Variants in CCR5AS observed in about 807,000 individuals in gnomAD.
CCR5AS encodes CCR5 antisense RNA.
At chr3:46,405,519 T>G (rs760574749) in intron 1 of CCR5AS, among the ~76,000 whole-genome samples, 1 of 152,132 alleles carries the variant, frequency 6.6e-6, no homozygotes, top group Non-Finnish European at 1.5e-5. Flanking sequence ...CACCTACTCA[T>G]TCAAGATCCT....
intron 2 of CCR5AS, chr3:46,372,635 G>T: frequency 3.1e-6 from 1 of 322,800 alleles, no homozygotes; most frequent in African/African-American, 2.1e-5. Flanking sequence ...TAGAGCACAA[G>T]ATTTTATTTG....
At chr3:46,367,364 CT>C (rs1173836480) in intron 3 of CCR5AS, among the ~76,000 whole-genome samples, 2 of 118,958 alleles carry the variant, frequency 1.7e-5, no homozygotes, top group Non-Finnish European at 3.7e-5. Context: ...TAATCTTTAG[CT>C]AAAAAAAAAA....
At chr3:46,401,225 A>C (rs1702003276) in intron 1 of CCR5AS, among the ~76,000 whole-genome samples, 1 of 152,228 alleles carries the variant, frequency 6.6e-6, no homozygotes, top group Non-Finnish European at 1.5e-5. Flanking sequence ...TGGTCCACGC[A>C]GGCCACAGGA....
At chr3:46,366,772 T>C (rs1031939219) in intron 3 of CCR5AS, among the ~76,000 whole-genome samples, 1 of 152,180 alleles carries the variant, frequency 6.6e-6, no homozygotes, top group South Asian at 2.1e-4. Context: ...TCAAGTGTCA[T>C]TGTTGAGGCA....
At chr3:46,397,026 C>T (rs1175201047) in intron 1 of CCR5AS, among the ~76,000 whole-genome samples, 3 of 152,214 alleles carry the variant, frequency 2.0e-5, no homozygotes, top group African/African-American at 7.2e-5. Flanking sequence ...AGTAGGTGGT[C>T]CCTCAAGAAC....
chr3:46,401,669 G>A (rs1314888819), intron 1 of CCR5AS, among the ~76,000 whole-genome samples: 1 of 152,286 alleles, frequency 6.6e-6, no homozygotes, highest in East Asian at 1.9e-4. Flanking sequence ...GTCTCAGAGT[G>A]CAGCAGCTGG....
chr3:46,392,274 T>C (rs1399457874), intron 2 of CCR5AS, among the ~76,000 whole-genome samples: 1 of 152,160 alleles, frequency 6.6e-6, no homozygotes, highest in Admixed American at 6.5e-5. Context: ...TCCATAACTG[T>C]TGTGGGTATT....
intron 1 of CCR5AS, among the ~76,000 whole-genome samples, chr3:46,406,677 C>A (rs1702051668): frequency 6.6e-6 from 1 of 152,154 alleles, no homozygotes; most frequent in Non-Finnish European, 1.5e-5. Context: ...GTCACAGCAC[C>A]AATCACTTCT....
intron 3 of CCR5AS, among the ~76,000 whole-genome samples, chr3:46,369,112 C>T (rs1379200222): frequency 6.6e-6 from 1 of 152,086 alleles, no homozygotes; most frequent in Non-Finnish European, 1.5e-5. Context: ...TAAACAGTCC[C>T]CCGAGGGTGG....
At chr3:46,394,194 T>C (rs1351006552) in intron 1 of CCR5AS, among the ~76,000 whole-genome samples, 1 of 152,092 alleles carries the variant, frequency 6.6e-6, no homozygotes, top group African/African-American at 2.4e-5. Context: ...AGGTCAGGAA[T>C]GCACCTCAAC....
At chr3:46,398,393 G>A (rs1701978953) in intron 1 of CCR5AS, among the ~76,000 whole-genome samples, 1 of 152,202 alleles carries the variant, frequency 6.6e-6, no homozygotes, top group South Asian at 2.1e-4. Flanking sequence ...GGATCACCTT[G>A]AGTGATAGCT....
At chr3:46,403,377 G>A (rs1376596293) in intron 1 of CCR5AS, among the ~76,000 whole-genome samples, 2 of 152,134 alleles carry the variant, frequency 1.3e-5, no homozygotes. Flanking sequence ...TAAATTTAAT[G>A]TTGTGTGTAT....
At chr3:46,369,807 G>A (rs1242198717) in intron 3 of CCR5AS, among the ~76,000 whole-genome samples, 1 of 152,156 alleles carries the variant, frequency 6.6e-6, no homozygotes, top group East Asian at 1.9e-4. Context: ...CAGGTTTCAA[G>A]CTTGGCAGTC....
At chr3:46,406,594 G>A (rs182789398) in intron 1 of CCR5AS, among the ~76,000 whole-genome samples, 4 of 152,088 alleles carry the variant, frequency 2.6e-5, no homozygotes, top group South Asian at 2.1e-4. Flanking sequence ...ACTTGATGTC[G>A]CCTCTGTGTC....
chr3:46,393,345 T>A lies in CCR5AS; in HGVS notation n.164-293A>T, dbSNP rs575839159. ...CTTCAGTTGCTTCAGGCAATCTGGA[T>A]GTATATGTGCAGGTCACAGAGGATA... is the stretch of plus-strand genomic sequence containing the variant. On this transcript the variant is annotated intron_variant and non_coding_transcript_variant, in intron 1 of 3. Coordinates refer to ENST00000451485, the Ensembl canonical transcript of CCR5AS. Among the ~76,000 whole-genome samples the A allele has an allele frequency of 4.6e-5, 7 of 151,548 alleles. No homozygotes were observed. In the South Asian group the frequency reaches 1.5e-3, roughly 32 times the overall value.
chr3:46,373,146 A>T, intron 2 of CCR5AS: 1 of 1,614,112 alleles, frequency 6.2e-7, no homozygotes, highest in East Asian at 2.2e-5. Context: ...TTTCCTTCTT[A>T]CTGTCCCCTT....
At chr3:46,401,015 G>A (rs1702001592) in intron 1 of CCR5AS, among the ~76,000 whole-genome samples, 2 of 152,184 alleles carry the variant, frequency 1.3e-5, no homozygotes, top group Non-Finnish European at 2.9e-5. Context: ...AAGATGTCAG[G>A]GAAATTGTCA....
rs534276004 is a variant in CCR5AS at position 46,389,249 on chromosome 3, T to C, written n.391+3576A>G. On this transcript the variant is annotated intron_variant and non_coding_transcript_variant, in intron 2 of 3. Transcript: ENST00000451485. Reference sequence around the variant, plus strand: ...GGAAGTAGGGGTGAGTACTTGCGACTTCCAGAAGGAAGAGGAGAGATCAGG... The same window carrying C: ...GGAAGTAGGGGTGAGTACTTGCGACCTCCAGAAGGAAGAGGAGAGATCAGG... Among the ~76,000 whole-genome samples the C allele has an allele frequency of 6.9e-4, 105 of 152,346 alleles. 1 individual carries two copies. The highest frequency in any genetic ancestry group is 1.7e-3 in the South Asian group (8 of 4,824).
intron 2 of CCR5AS, chr3:46,373,177 C>G: frequency 6.2e-7 from 1 of 1,614,182 alleles, no homozygotes; most frequent in South Asian, 1.1e-5. Flanking sequence ...TATGCTGCCG[C>G]CCAGTGGGAC....
Sources: gnomAD v4.1 joint callset for allele counts (sites outside exome capture counted in the v4.1 genomes callset) on GRCh38, gnomAD v4.1.1 for gene constraint, MANE v1.5 for transcripts, NCBI Gene and HGNC (gene_info 2026-07-23, HGNC 2026-07-21) for gene names.